The following ANKFN1 variants were observed in gnomAD, a reference collection of about 807,000 sequenced individuals.
The protein encoded by ANKFN1 is ankyrin repeat and fibronectin type III domain containing 1.
ANKFN1 carries 74 observed loss-of-function variants against 108.7 expected under a neutral mutation model. The ratio of observed to expected loss-of-function variants is 0.68; its 90% CI spans 0.56 to 0.83. The LOEUF (loss-of-function observed/expected upper bound fraction) is 0.83. Among genes scored for constraint, ANKFN1 ranks in the 40% least tolerant of loss-of-function variants. The pLI is 0.00. For synonymous variants in ANKFN1, 547 were observed against 516.2 expected, an observed-to-expected ratio of 1.06 and a Z score of -0.81; for missense variants, 1,505 against 1,382.3, an observed-to-expected ratio of 1.09 and a Z score of -1.41.
chr17:56,220,374 C>T (rs1016669318), intron 2 of ANKFN1, among the ~76,000 whole-genome samples: 1 of 152,166 alleles, frequency 6.6e-6, no homozygotes, highest in Admixed American at 6.5e-5. Flanking sequence ...GAAATAGCTT[C>T]TGGATGCGGT....
intron 14 of ANKFN1, among the ~76,000 whole-genome samples, chr17:56,458,496 G>A (rs148844499): frequency 2.6e-3 from 401 of 151,986 alleles, no homozygotes; most frequent in Middle Eastern, 0.01. Flanking sequence ...AACAAATAGA[G>A]AACAACGCTT....
chr17:56,448,183 T>G (rs905789279), intron 10 of ANKFN1, among the ~76,000 whole-genome samples: 2 of 151,910 alleles, frequency 1.3e-5, no homozygotes, highest in Non-Finnish European at 2.9e-5. Flanking sequence ...AGAAAGACAT[T>G]AAGTTGTTGC....
At chr17:56,358,576 C>T (rs1170786515) in intron 6 of ANKFN1, among the ~76,000 whole-genome samples, 1 of 152,142 alleles carries the variant, frequency 6.6e-6, no homozygotes, top group Non-Finnish European at 1.5e-5. Context: ...TTTTTCTGTT[C>T]CTCCTACCTT....
At chr17:56,249,645 G>T (rs2043193002) in intron 3 of ANKFN1, among the ~76,000 whole-genome samples, 2 of 152,124 alleles carry the variant, frequency 1.3e-5, no homozygotes, top group African/African-American at 4.8e-5. Flanking sequence ...GACTTACCAA[G>T]TTGCAGCCAT....
chr17:56,423,385 T>C (rs1038928375), intron 8 of ANKFN1, among the ~76,000 whole-genome samples: 1 of 152,196 alleles, frequency 6.6e-6, no homozygotes, highest in Non-Finnish European at 1.5e-5. Context: ...ATTTGAAATA[T>C]GAGTAAGAAC....
chr17:56,232,308 C>T (rs1916795096), intron 3 of ANKFN1, among the ~76,000 whole-genome samples: 1 of 152,048 alleles, frequency 6.6e-6, no homozygotes, highest in African/African-American at 2.4e-5. Flanking sequence ...CAGTACAGAG[C>T]TTCTAGAAAA....
At chr17:56,220,820 A>G (rs1354463397) in intron 2 of ANKFN1, among the ~76,000 whole-genome samples, 2 of 54,128 alleles carry the variant, frequency 3.7e-5, no homozygotes, top group African/African-American at 1.5e-4. Context: ...GGAAGGAAGG[A>G]AGGAAGGAAG....
intron 4 of ANKFN1, among the ~76,000 whole-genome samples, chr17:56,121,203 TCTA>T (rs1329294503): frequency 6.6e-6 from 1 of 152,084 alleles, no homozygotes; most frequent in Non-Finnish European, 1.5e-5. Context: ...AGCAGCGTGT[TCTA>T]CTTGTTTTTT....
In ANKFN1 at chr17:56,098,034, T is replaced by C. The variant is rs540052300; in HGVS notation, c.288+51709T>C. Among the ~76,000 whole-genome samples the C allele has an allele frequency of 2.0e-5, 3 of 152,296 alleles. No individual in the cohort carries two copies. The East Asian group carries it at 5.8e-4, about 29-fold the overall frequency. ...TTATCCTGGATTCTTGGGTGGGCTCTAAATGCCATCACAATATCTTTATAA... is the reference window on the plus strand; with the variant it reads ...TTATCCTGGATTCTTGGGTGGGCTCCAAATGCCATCACAATATCTTTATAA... On this transcript the variant is annotated intron_variant, in intron 4 of 12. Transcript: ENST00000635860.
intron 4 of ANKFN1, among the ~76,000 whole-genome samples, chr17:56,074,290 A>C (rs1238303376): frequency 6.6e-6 from 1 of 152,176 alleles, no homozygotes; most frequent in Admixed American, 6.5e-5. Context: ...GACCCAGCGG[A>C]TATAACCTGC....
intron 15 of ANKFN1, among the ~76,000 whole-genome samples, chr17:56,469,889 T>C (rs558420999): frequency 9.9e-5 from 15 of 152,172 alleles, no homozygotes; most frequent in Admixed American, 2.0e-4. Flanking sequence ...ATCCATCACC[T>C]AGATATTAAG....
Position 56,350,522 on chromosome 17 carries a change from ATGGAGGT to A in ANKFN1, c.189-241_189-235del. ...GTGAATGAATATGTTTATATAGTAAATGGAGGTTGTCGTTTCATTCCTGCCACCAATT... is the reference window on the plus strand; with the variant it reads ...GTGAATGAATATGTTTATATAGTAAATGTCGTTTCATTCCTGCCACCAATT... On this transcript the variant is annotated intron_variant, in intron 4 of 20. Transcript: ENST00000682825. Among the ~76,000 whole-genome samples, 4 of 152,260 alleles carry A rather than the reference ATGGAGGT, an allele frequency of 2.6e-5. No individual in the cohort carries two copies. In the Middle Eastern group the frequency reaches 0.01, roughly 388 times the overall value.
At chr17:56,314,068 A>G (rs1270388164) in intron 3 of ANKFN1, among the ~76,000 whole-genome samples, 2 of 152,090 alleles carry the variant, frequency 1.3e-5, no homozygotes, top group African/African-American at 4.8e-5. Context: ...GCTTAATCTG[A>G]TGTTTCTGAG....
intron 1 of ANKFN1, among the ~76,000 whole-genome samples, chr17:56,154,410 C>A (rs527842600): frequency 1.3e-5 from 2 of 152,190 alleles, no homozygotes; most frequent in African/African-American, 2.4e-5. Flanking sequence ...TTTGAAAAAA[C>A]CAGAGATAAG....
At chr17:56,347,620 C>G (rs1214823269) in intron 4 of ANKFN1, among the ~76,000 whole-genome samples, 2 of 151,894 alleles carry the variant, frequency 1.3e-5, no homozygotes, top group African/African-American at 4.8e-5. Context: ...TAACAAATAA[C>G]AGAAAGTTGT....
At chr17:56,143,053 G>A (rs1908023635) in intron 4 of ANKFN1, among the ~76,000 whole-genome samples, 1 of 152,140 alleles carries the variant, frequency 6.6e-6, no homozygotes, top group Non-Finnish European at 1.5e-5. Context: ...ACAGGAAGCT[G>A]AGATTCTCAG....
intron 1 of ANKFN1, chr17:56,174,478 T>G: frequency 1.1e-6 from 1 of 918,230 alleles, no homozygotes; most frequent in Non-Finnish European, 1.3e-6. Flanking sequence ...CTGGTGCAAT[T>G]ACTTGTGCTC....
intron 3 of ANKFN1, among the ~76,000 whole-genome samples, chr17:56,321,464 A>G (rs1458713335): frequency 2.6e-5 from 4 of 151,766 alleles, no homozygotes; most frequent in African/African-American, 7.3e-5. Context: ...TCCCTAAGAA[A>G]AAAAAAAAAA....
intron 14 of ANKFN1, among the ~76,000 whole-genome samples, chr17:56,461,292 G>A (rs1384500600): frequency 2.0e-5 from 3 of 152,048 alleles, no homozygotes; most frequent in Admixed American, 6.5e-5. Context: ...CCTCAAAATT[G>A]TATAGTTCAG....
Sources: allele counts gnomAD v4.1 joint callset (sites outside exome capture counted in the v4.1 genomes callset), GRCh38; gene constraint gnomAD v4.1.1; transcripts MANE v1.5; gene names NCBI Gene and HGNC (gene_info 2026-07-23, HGNC 2026-07-21).